The following PDE4D variants were observed in gnomAD, a reference collection of about 807,000 sequenced individuals.
PDE4D encodes the protein 3',5'-cyclic-AMP phosphodiesterase 4D.
In PDE4D, 24 loss-of-function variants were observed where a neutral mutation model predicts 87.4. That is an observed-to-expected ratio of 0.27 (90% CI 0.20 to 0.39). The LOEUF is 0.39. Among genes scored for constraint, PDE4D ranks in the 10% least tolerant of loss-of-function variants. The pLI, the probability that PDE4D is intolerant of heterozygous loss-of-function variation, is 1.00. For synonymous variants in PDE4D, 384 were observed against 383.2 expected (o/e 1.00, Z -0.02); for missense variants, 714 against 1,041.0 (o/e 0.69, Z 4.32).
chr5:59,029,431 A>C (rs980686105), intron 6 of PDE4D, among the ~76,000 whole-genome samples: 2 of 151,222 alleles, frequency 1.3e-5, no homozygotes, highest in African/African-American at 2.4e-5. Context: ...AAAAAAAAAA[A>C]AAAAAACTTA....
At chr5:59,939,678 G>A (rs747450012) in intron 3 of PDE4D, among the ~76,000 whole-genome samples, 2 of 152,132 alleles carry the variant, frequency 1.3e-5, no homozygotes, top group Non-Finnish European at 2.9e-5. Context: ...ATTTCAGGTA[G>A]AGGATGCAGC....
At chr5:59,851,885 A>G (rs1744723300) in intron 1 of PDE4D, among the ~76,000 whole-genome samples, 4 of 152,058 alleles carry the variant, frequency 2.6e-5, no homozygotes, top group Non-Finnish European at 5.9e-5. Flanking sequence ...TCAGCTCCAC[A>G]TAAGGACCGC....
At chr5:60,377,923 T>C (rs1761552961) in intron 1 of PDE4D, among the ~76,000 whole-genome samples, 1 of 152,242 alleles carries the variant, frequency 6.6e-6, no homozygotes, top group Admixed American at 6.5e-5. Flanking sequence ...AGGTCTTTTC[T>C]ACACATAGTA....
upstream of PDE4D, among the ~76,000 whole-genome samples, chr5:60,492,606 G>A (rs1295696884): frequency 1.3e-5 from 2 of 152,070 alleles, no homozygotes; most frequent in African/African-American, 4.8e-5. Context: ...GATGGATGAA[G>A]CTGGAAACCA....
intron 1 of PDE4D, among the ~76,000 whole-genome samples, chr5:59,816,927 G>T (rs938354296): frequency 3.3e-5 from 5 of 152,206 alleles, no homozygotes; most frequent in Admixed American, 6.5e-5. Flanking sequence ...TCCACAGCAT[G>T]GCAAGTGAGA....
chr5:59,133,020 T>C (rs1776500893), intron 5 of PDE4D, among the ~76,000 whole-genome samples: 1 of 152,172 alleles, frequency 6.6e-6, no homozygotes, highest in South Asian at 2.1e-4. Flanking sequence ...TGCTTGTCCA[T>C]TTCTGTTTTT....
At chr5:59,920,934 G>A (rs1754599209) in intron 3 of PDE4D, among the ~76,000 whole-genome samples, 1 of 152,078 alleles carries the variant, frequency 6.6e-6, no homozygotes, top group African/African-American at 2.4e-5. Context: ...GTTAATGGGT[G>A]CAGTAAACCA....
chr5:58,982,176 C>A (rs1340037245), intron 11 of PDE4D, among the ~76,000 whole-genome samples: 1 of 152,116 alleles, frequency 6.6e-6, no homozygotes, highest in African/African-American at 2.4e-5. Context: ...GTAACAGTCC[C>A]ATTTCTATCC....
At chr5:59,499,767 T>C (rs1230321167) in intron 1 of PDE4D, among the ~76,000 whole-genome samples, 2 of 151,764 alleles carry the variant, frequency 1.3e-5, no homozygotes, top group Non-Finnish European at 2.9e-5. Flanking sequence ...GTAATGAAAT[T>C]GAATCAGTAA....
chr5:59,584,398 C>T (rs1402646094), intron 1 of PDE4D, among the ~76,000 whole-genome samples: 1 of 152,216 alleles, frequency 6.6e-6, no homozygotes, highest in Non-Finnish European at 1.5e-5. Context: ...TAACATTCTA[C>T]ATTGGCTTAG....
intron 1 of PDE4D, among the ~76,000 whole-genome samples, chr5:59,479,440 A>G (rs1384917690): frequency 6.6e-6 from 1 of 152,110 alleles, no homozygotes; most frequent in Non-Finnish European, 1.5e-5. Flanking sequence ...GAAGAAAGAA[A>G]GGTGAAATCA....
intron 1 of PDE4D, among the ~76,000 whole-genome samples, chr5:59,794,694 CAA>C (rs1766252608): frequency 6.6e-6 from 1 of 152,068 alleles, no homozygotes; most frequent in Non-Finnish European, 1.5e-5. Context: ...ATAAAACAAA[CAA>C]AACATAGTTC....
At chr5:59,406,891 A>G (rs1791769520) in intron 1 of PDE4D, among the ~76,000 whole-genome samples, 1 of 152,126 alleles carries the variant, frequency 6.6e-6, no homozygotes, top group African/African-American at 2.4e-5. Context: ...ATATCAACCT[A>G]ATCATCATCA....
intron 1 of PDE4D, among the ~76,000 whole-genome samples, chr5:59,667,088 A>C (rs977864747): frequency 6.6e-5 from 10 of 152,210 alleles, no homozygotes; most frequent in Non-Finnish European, 1.5e-4. Context: ...GAAATGGACA[A>C]TGTGGGTGGA....
At chr5:59,160,829 G>A (rs1780973194) in intron 5 of PDE4D, among the ~76,000 whole-genome samples, 1 of 152,144 alleles carries the variant, frequency 6.6e-6, no homozygotes, top group Non-Finnish European at 1.5e-5. Context: ...CGGGTGTGGT[G>A]GCTCACGCCT....
At chr5:59,197,654 A>G (rs1745763664) in intron 2 of PDE4D, among the ~76,000 whole-genome samples, 1 of 152,222 alleles carries the variant, frequency 6.6e-6, no homozygotes, top group African/African-American at 2.4e-5. Flanking sequence ...TTAGAAGAAA[A>G]TAAATATAAT....
chr5:60,232,448 C>A (rs1052717539), intron 1 of PDE4D, among the ~76,000 whole-genome samples: 15 of 151,840 alleles, frequency 9.9e-5, no homozygotes, highest in Non-Finnish European at 2.1e-4. Context: ...ATTCTCCTGG[C>A]ACTGCAGCAT....
chr5:60,480,504 G>T (rs576414162), intron 1 of PDE4D, among the ~76,000 whole-genome samples: 1 of 152,186 alleles, frequency 6.6e-6, no homozygotes, highest in East Asian at 1.9e-4. Flanking sequence ...TAATTAGTTT[G>T]TCCAGAGTAA....
At chr5:60,250,096 C>T (rs1245550904) in intron 1 of PDE4D, among the ~76,000 whole-genome samples, 1 of 151,962 alleles carries the variant, frequency 6.6e-6, no homozygotes, top group Non-Finnish European at 1.5e-5. Context: ...TCTGTAGACA[C>T]TGGGGCTATC....
Sources: allele counts gnomAD v4.1 joint callset (sites outside exome capture counted in the v4.1 genomes callset), GRCh38; gene constraint gnomAD v4.1.1; transcripts MANE v1.5; gene names NCBI Gene and HGNC (gene_info 2026-07-23, HGNC 2026-07-21).